The following GRIK2 variants were observed in gnomAD, a reference collection of about 807,000 sequenced individuals.
GRIK2 encodes the protein glutamate receptor ionotropic, kainate 2.
In GRIK2, 32 loss-of-function variants were observed where a neutral mutation model predicts 100.3. That is an observed-to-expected ratio of 0.32 (90% CI 0.24 to 0.43). GRIK2 has a LOEUF of 0.43. Among genes scored for constraint, GRIK2 ranks in the 20% least tolerant of loss-of-function variants. The pLI is 1.00. For synonymous variants in GRIK2, 417 were observed against 389.4 expected (o/e 1.07, Z -0.83); for missense variants, 843 against 1,114.9 (o/e 0.76, Z 3.47).
At chr6:101,542,718 A>G (rs1423336119) in intron 2 of GRIK2, among the ~76,000 whole-genome samples, 1 of 152,134 alleles carries the variant, frequency 6.6e-6, no homozygotes, top group Non-Finnish European at 1.5e-5. Flanking sequence ...TTTTATTATT[A>G]TATAACTATG....
intron 12 of GRIK2, among the ~76,000 whole-genome samples, chr6:101,904,675 T>C (rs1369634076): frequency 6.6e-6 from 1 of 151,500 alleles, no homozygotes; most frequent in African/African-American, 2.4e-5. Context: ...CAAATTCCCC[T>C]TTTTAATACT....
intron 2 of GRIK2, among the ~76,000 whole-genome samples, chr6:101,610,566 T>C (rs1362240255): frequency 6.6e-6 from 1 of 151,842 alleles, no homozygotes; most frequent in Non-Finnish European, 1.5e-5. Context: ...AAGACTGGCA[T>C]TTAACCAGAT....
chr6:101,474,971 C>T (rs1772152564), intron 2 of GRIK2, among the ~76,000 whole-genome samples: 1 of 151,672 alleles, frequency 6.6e-6, no homozygotes, highest in African/African-American at 2.4e-5. Flanking sequence ...TTTTCTTCTT[C>T]CCATAGTCCC....
chr6:101,732,166 T>A (rs1775315876), intron 7 of GRIK2, among the ~76,000 whole-genome samples: 2 of 151,990 alleles, frequency 1.3e-5, no homozygotes, highest in African/African-American at 4.8e-5. Context: ...TCCTTTTACA[T>A]CAAACTTAAT....
intron 2 of GRIK2, among the ~76,000 whole-genome samples, chr6:101,428,656 A>G (rs1436926244): frequency 1.3e-5 from 2 of 152,050 alleles, no homozygotes; most frequent in Non-Finnish European, 2.9e-5. Context: ...CAAAGAACCA[A>G]GTTTGAATGA....
chr6:101,539,419 G>A (rs535810113), intron 2 of GRIK2, among the ~76,000 whole-genome samples: 1 of 151,840 alleles, frequency 6.6e-6, no homozygotes, highest in East Asian at 1.9e-4. Flanking sequence ...CTGAATACTT[G>A]AAGGCTTTTA....
chr6:101,923,246 T>C (rs1165619892), intron 12 of GRIK2, among the ~76,000 whole-genome samples: 1 of 152,166 alleles, frequency 6.6e-6, no homozygotes, highest in Admixed American at 6.5e-5. Context: ...GATGTAAGAT[T>C]TTTTTTAATG....
At chr6:101,595,071 T>G (rs1435226152) in intron 2 of GRIK2, among the ~76,000 whole-genome samples, 2 of 151,404 alleles carry the variant, frequency 1.3e-5, no homozygotes, top group Non-Finnish European at 3.0e-5. Flanking sequence ...AAGTAGGCAT[T>G]CATAGACTTT....
chr6:101,634,324 G>A (rs1302150136), intron 4 of GRIK2, among the ~76,000 whole-genome samples: 1 of 152,012 alleles, frequency 6.6e-6, no homozygotes, highest in Non-Finnish European at 1.5e-5. Flanking sequence ...TCCTAGTTGG[G>A]GATACTAATC....
intron 3 of GRIK2, among the ~76,000 whole-genome samples, chr6:101,624,252 T>C (rs1780320000): frequency 6.6e-6 from 1 of 152,074 alleles, no homozygotes; most frequent in Non-Finnish European, 1.5e-5. Context: ...TAATTCAGTG[T>C]TTTTAGCTTT....
intron 10 of GRIK2, among the ~76,000 whole-genome samples, chr6:101,830,283 A>G (rs1242116554): frequency 6.6e-6 from 1 of 152,050 alleles, no homozygotes; most frequent in Non-Finnish European, 1.5e-5. Context: ...CTGAAGATAT[A>G]TCAAGGAAAT....
intron 15 of GRIK2, among the ~76,000 whole-genome samples, chr6:102,052,942 C>A (rs1042515941): frequency 4.6e-5 from 7 of 151,988 alleles, no homozygotes; most frequent in Non-Finnish European, 1.0e-4. Context: ...GTGGCGGGCA[C>A]CTGTCATCCC....
chr6:101,917,233 C>T (rs772556804), intron 12 of GRIK2, among the ~76,000 whole-genome samples: 1 of 151,648 alleles, frequency 6.6e-6, no homozygotes, highest in South Asian at 2.1e-4. Flanking sequence ...TAAAAATACT[C>T]TCTCATTTCT....
intron 11 of GRIK2, among the ~76,000 whole-genome samples, chr6:101,879,987 G>A (rs1786134223): frequency 6.6e-6 from 1 of 151,856 alleles, no homozygotes; most frequent in Non-Finnish European, 1.5e-5. Flanking sequence ...ACTCAATAGG[G>A]CCCTAGATTC....
At chr6:101,860,008 G>A (rs1784646295) in intron 11 of GRIK2, among the ~76,000 whole-genome samples, 2 of 152,018 alleles carry the variant, frequency 1.3e-5, no homozygotes, top group South Asian at 2.1e-4. Context: ...ATTAGCTCTT[G>A]CAATTGCAAG....
At chr6:101,660,225 C>A (rs1476824307) in intron 4 of GRIK2, among the ~76,000 whole-genome samples, 1 of 151,768 alleles carries the variant, frequency 6.6e-6, no homozygotes, top group African/African-American at 2.4e-5. Flanking sequence ...TTAAGTTGAT[C>A]TTCAATCTCT....
At chr6:101,623,292 T>G (rs1780255975) in intron 3 of GRIK2, among the ~76,000 whole-genome samples, 1 of 152,092 alleles carries the variant, frequency 6.6e-6, no homozygotes, top group Admixed American at 6.6e-5. Flanking sequence ...TGCATGCCCT[T>G]TGAATTCATA....
intron 14 of GRIK2, among the ~76,000 whole-genome samples, chr6:101,997,162 T>C (rs1473752205): frequency 6.6e-6 from 1 of 152,078 alleles, no homozygotes; most frequent in Non-Finnish European, 1.5e-5. Flanking sequence ...AAGTTTGCTT[T>C]TGTTTCTTTT....
At chr6:101,818,160 A>T (rs1781747365) in intron 9 of GRIK2, among the ~76,000 whole-genome samples, 1 of 152,222 alleles carries the variant, frequency 6.6e-6, no homozygotes, top group Non-Finnish European at 1.5e-5. Context: ...GGAGAAGTTC[A>T]GTGGATCGTT....
Sources: allele counts gnomAD v4.1 joint callset (sites outside exome capture counted in the v4.1 genomes callset), GRCh38; gene constraint gnomAD v4.1.1; transcripts MANE v1.5; gene names NCBI Gene and HGNC (gene_info 2026-07-23, HGNC 2026-07-21).